Variants in GPATCH1 observed in about 807,000 individuals in gnomAD.
GPATCH1 encodes the protein G patch domain-containing protein 1.
A neutral mutation model predicts 114.9 loss-of-function variants in GPATCH1; 73 were observed. The observed-to-expected ratio is 0.64, with a 90% CI of 0.53 to 0.77. The LOEUF (loss-of-function observed/expected upper bound fraction) is 0.77. Ranked by LOEUF, GPATCH1 falls within the 30% of genes least tolerant of loss-of-function variation. GPATCH1 has a pLI of 0.00. For synonymous variants in GPATCH1, 391 were observed against 428.4 expected (o/e 0.91, Z 1.08); for missense variants, 1,058 against 1,144.3 (o/e 0.92, Z 1.09).
At position 33,086,426 on chromosome 19, in the gene GPATCH1, C is replaced by T. The variant is rs374201684; in HGVS notation, c.74-1708C>T. 5.3e-5 allele frequency among the ~76,000 whole-genome samples: 8 copies of T among 152,220 alleles called. No individual in the cohort carries two copies. The East Asian group carries it at 1.4e-3, about 26-fold the overall frequency. On this transcript the variant is annotated intron_variant, in intron 1 of 19. Coordinates refer to ENST00000170564, the MANE Select transcript of GPATCH1 (RefSeq NM_018025.3). The stretch of plus-strand genomic sequence containing the variant: ...TACCTTGATTTTACAGTTGTGGAGG[C>T]TGAGGCTTAGAGTGATGAAGTAACT...
intron 14 of GPATCH1, 51 bp downstream of exon 14, chr19:33,113,954 G>T (rs1972888579): frequency 6.4e-7 from 1 of 1,550,942 alleles, no homozygotes; most frequent in Non-Finnish European, 8.8e-7. Flanking sequence ...TCAACCCCTA[G>T]CCTGTAGGAA....
At chr19:33,096,468 T>C (rs776243044) in intron 7 of GPATCH1, 22 bp downstream of exon 7, 1 of 1,585,100 alleles carries the variant, frequency 6.3e-7, no homozygotes, top group Admixed American at 1.8e-5. Flanking sequence ...TTCTATTTTA[T>C]AAAGGGGGAG....
intron 1 of GPATCH1, among the ~76,000 whole-genome samples, chr19:33,085,460 C>T (rs1972526044): frequency 1.3e-5 from 2 of 152,100 alleles, no homozygotes; most frequent in African/African-American, 4.8e-5. Context: ...ACCACTCCTA[C>T]CTGGGCCTCT....
chr19:33,095,792 T>C lies in GPATCH1; in HGVS notation c.584T>C (p.Leu195Ser). 6.2e-7 allele frequency: 1 copy of C among 1,611,776 alleles called. No homozygotes were observed. The highest frequency in any genetic ancestry group is 8.5e-7 in the Non-Finnish European group (1 of 1,177,942). Residue 195 changes from leucine to serine, a missense_variant, in exon 6 of 20, where the codon TTA becomes TCA. Coordinates refer to ENST00000170564, the MANE Select transcript of GPATCH1 (RefSeq NM_018025.3). ...DPGVKIYGCA[L>S]PPGSSEGSEG... ...GGAGTCAAAATCTATGGCTGTGCAT[T>C]ACCCCCTGGAAGCTCGGAAGGATCT...
intron 17 of GPATCH1, among the ~76,000 whole-genome samples, chr19:33,119,944 T>C (rs1460258450): frequency 6.9e-6 from 1 of 145,232 alleles, no homozygotes; most frequent in African/African-American, 2.5e-5. Flanking sequence ...TATATTTTTA[T>C]ATTTTATAAA....
intron 11 of GPATCH1, among the ~76,000 whole-genome samples, chr19:33,111,192 C>T (rs1972847971): frequency 6.6e-6 from 1 of 151,176 alleles, no homozygotes. Context: ...GCCACCACGC[C>T]TGGTAATTTT....
chr19:33,110,117 T>C lies in GPATCH1; in HGVS notation c.1585+101T>C, dbSNP rs1972835938. The C allele has an allele frequency of 3.7e-6, 4 of 1,070,040 alleles. No homozygotes were observed. In the African/African-American group the frequency reaches 4.8e-5, roughly 13 times the overall value. The allele number at this position is 1,070,040 out of a possible 1,614,324, so 66.3% of individuals were successfully genotyped here. A position where few individuals can be genotyped will look rare whatever the true frequency, so the allele number is the denominator to read the frequency against. ...TATTTACAGTTGAGGTATCCTGTTC[T>C]GTCAGTGTTTTTGCTTTATCCTGCT... On this transcript the variant is annotated intron_variant, in intron 11 of 19. Transcript: ENST00000170564.
chr19:33,096,171 A>C (rs372683987), intron 6 of GPATCH1, 36 bp from the exon 7 acceptor site: 6 of 1,603,304 alleles, frequency 3.7e-6, no homozygotes, highest in Non-Finnish European at 5.1e-6. Flanking sequence ...TGCATCCTTC[A>C]GTGACTCACC....
At chr19:33,086,892 T>G (rs1972539664) in intron 1 of GPATCH1, among the ~76,000 whole-genome samples, 1 of 151,726 alleles carries the variant, frequency 6.6e-6, no homozygotes, top group Non-Finnish European at 1.5e-5. Flanking sequence ...GAGAACCACT[T>G]GAGCCCAGGA....
intron 17 of GPATCH1, among the ~76,000 whole-genome samples, chr19:33,123,742 T>TAA (rs34462345): frequency 6.9e-6 from 1 of 145,538 alleles, no homozygotes; most frequent in East Asian, 2.0e-4. Flanking sequence ...AGCGAGAACC[T>TAA]AAAAAAAAAA....
At chr19:33,088,366 CAA>C (rs1768455683) in intron 2 of GPATCH1, 98 bp downstream of exon 2, 9 of 930,770 alleles carry the variant, frequency 9.7e-6, no homozygotes, top group Admixed American at 7.7e-5. Flanking sequence ...AATTTTGAGA[CAA>C]GAGTCTCGCT....
chr19:33,128,518 C>A (rs2060359069), intron 19 of GPATCH1, among the ~76,000 whole-genome samples: 1 of 152,166 alleles, frequency 6.6e-6, no homozygotes, highest in Non-Finnish European at 1.5e-5. Context: ...CCTTGGCCTC[C>A]CAAAGTGCCG....
rs902010141 is a variant in GPATCH1, at chr19:33,093,587, G to A, written c.455+68G>A. ...TTTGCATATGTGTGATTCTCTTGCTGAGGGATAGTTTGATTGCAAGTGAGA... is the reference window on the plus strand; with the variant it reads ...TTTGCATATGTGTGATTCTCTTGCTAAGGGATAGTTTGATTGCAAGTGAGA... On this transcript the variant is annotated intron_variant, in intron 4 of 19. Coordinates refer to ENST00000170564, the MANE Select transcript of GPATCH1 (RefSeq NM_018025.3). 7 of 1,406,804 alleles carry A rather than the reference G, an allele frequency of 5.0e-6. No individual in the cohort carries two copies. The African/African-American group carries it at 7.2e-5, about 14-fold the overall frequency. 87.1% of individuals were successfully genotyped at this position (1,406,804 alleles called of 1,614,324 possible).
At chr19:33,084,458 G>A (rs1197617036) in intron 1 of GPATCH1, among the ~76,000 whole-genome samples, 1 of 151,860 alleles carries the variant, frequency 6.6e-6, no homozygotes, top group Non-Finnish European at 1.5e-5. Context: ...TAATTTTAGG[G>A]CCAATTTTCT....
chr19:33,129,923 G>A (rs941066070), intron 19 of GPATCH1, among the ~76,000 whole-genome samples: 1 of 144,046 alleles, frequency 6.9e-6, no homozygotes, highest in African/African-American at 2.7e-5. Flanking sequence ...CAGCCTGGGC[G>A]ACAAAAGTGA....
rs116501164 is a variant in GPATCH1 at position 33,094,510 on chromosome 19, C to G, written c.553+241C>G. Among the ~76,000 whole-genome samples, 1,382 of 152,188 alleles carry G rather than the reference C, an allele frequency of 9.1e-3. 16 individuals are homozygous for G. The highest frequency in any genetic ancestry group is 0.032 in the African/African-American group (1,324 of 41,518). ...TATTTTTTGTAGAGACGGGGTTTTGCCATGTTGCCCAGGCCCAGGCTGAGG... is the reference window on the plus strand; with the variant it reads ...TATTTTTTGTAGAGACGGGGTTTTGGCATGTTGCCCAGGCCCAGGCTGAGG... On this transcript the variant is annotated intron_variant, in intron 5 of 19. Coordinates refer to ENST00000170564, the MANE Select transcript of GPATCH1 (RefSeq NM_018025.3).
At chr19:33,086,968 T>C (rs2145300282) in intron 1 of GPATCH1, among the ~76,000 whole-genome samples, 1 of 150,312 alleles carries the variant, frequency 6.7e-6, no homozygotes, top group South Asian at 2.1e-4. Context: ...AGACTGCATC[T>C]CAAAAAAAAA....
chr19:33,113,506 T>C (rs1972880826), intron 13 of GPATCH1: 3 of 373,978 alleles, frequency 8.0e-6, no homozygotes, highest in African/African-American at 2.1e-5. Flanking sequence ...TCAGAAACTT[T>C]AGGTATATTT....
In GPATCH1 at chr19:33,081,419, G is replaced by C. The variant is rs145722560; in HGVS notation, c.73+153G>C. On this transcript the variant is annotated intron_variant, in intron 1 of 19. Transcript: ENST00000170564. ...GGGAGGCGTTAGCCGCGCTCTCGGG[G>C]TGCTCACCTTCTGCAGCGACAGAGA... Among the ~76,000 whole-genome samples the C allele has an allele frequency of 7.8e-3, 1,194 of 152,282 alleles. 16 individuals carry two copies. The highest frequency in any genetic ancestry group is 0.028 in the African/African-American group (1,144 of 41,560).
Sources: allele counts gnomAD v4.1 joint callset (sites outside exome capture counted in the v4.1 genomes callset), GRCh38; gene constraint gnomAD v4.1.1; transcripts MANE v1.5; gene names NCBI Gene and HGNC (gene_info 2026-07-23, HGNC 2026-07-21).